UGT1A10: variants seen among roughly 807,000 people sequenced by gnomAD.
UGT1A10 encodes the protein UDP-glucuronosyltransferase 1A10.
Under a neutral mutation model 45.8 loss-of-function variants are expected in UGT1A10, and 49 were observed. That is an observed-to-expected ratio of 1.07 (90% CI 0.85 to 1.36). The LOEUF (loss-of-function observed/expected upper bound fraction) is 1.36. Ranked by LOEUF, UGT1A10 falls within the 40% of genes most tolerant of loss-of-function variation. UGT1A10 has a pLI of 0.00. For missense variants in UGT1A10, 745 were observed against 668.6 expected (o/e 1.11, Z -1.26); for synonymous variants, 284 against 249.7 (o/e 1.14, Z -1.29).
chr2:233,695,908 T>C (rs2075313628), intron 1 of UGT1A10, among the ~76,000 whole-genome samples: 1 of 152,182 alleles, frequency 6.6e-6, no homozygotes, highest in Admixed American at 6.5e-5. Flanking sequence ...TGGGGTTTTT[T>C]TTCTCCACAC....
intron 1 of UGT1A10, among the ~76,000 whole-genome samples, chr2:233,736,594 G>A (rs1196858563): frequency 2.0e-5 from 3 of 152,156 alleles, no homozygotes; most frequent in African/African-American, 7.2e-5. Flanking sequence ...ATGTGCTTAT[G>A]CGCTATGGTT....
chr2:233,658,647 T>C (rs2073904177), intron 1 of UGT1A10, among the ~76,000 whole-genome samples: 1 of 152,186 alleles, frequency 6.6e-6, no homozygotes, highest in Non-Finnish European at 1.5e-5. Context: ...TAGACTGGGG[T>C]TATAGGTTTT....
At chr2:233,687,364 C>T (rs2074836393) in intron 1 of UGT1A10, among the ~76,000 whole-genome samples, 1 of 152,128 alleles carries the variant, frequency 6.6e-6, no homozygotes, top group South Asian at 2.1e-4. Context: ...TGGACTGTCT[C>T]CTTAGGGAGA....
chr2:233,689,713 G>A (rs1559343774), intron 1 of UGT1A10, among the ~76,000 whole-genome samples: 1 of 152,132 alleles, frequency 6.6e-6, no homozygotes, highest in African/African-American at 2.4e-5. Flanking sequence ...CCTTATCTGA[G>A]GTCTGCCTGC....
rs1351449388 is a variant in UGT1A10, at chr2:233,636,488, G to C, written c.-35G>C. 1 of 1,593,086 alleles carries C rather than the reference G, an allele frequency of 6.3e-7. No homozygotes were observed. Among genetic ancestry groups the C allele is most frequent in the East Asian group, 2.2e-5 (1 of 44,714 alleles). ...CCGCCTACTGTATCATAGCAGCTTA[G>C]AATCCCAGCTGCTGGCTCGGGCTGC... is the stretch of plus-strand genomic sequence containing the variant. On this transcript the variant is annotated 5_prime_UTR_variant, in exon 1 of 5. Transcript: ENST00000344644.
In UGT1A10 at chr2:233,716,181, C is replaced by G. The variant is rs375271371; in HGVS notation, c.856-50853C>G. Among the ~76,000 whole-genome samples the G allele has an allele frequency of 1.4e-4, 21 of 152,300 alleles. No homozygotes were observed. In the East Asian group the frequency reaches 3.9e-3, roughly 28 times the overall value. On this transcript the variant is annotated intron_variant, in intron 1 of 4. Transcript: ENST00000344644. Reference sequence around the variant, plus strand: ...GAGATGCAGTGCAGCATCTTCAAGTCTCTAATTCTTACATCTGTCTCTTTC... The same window carrying G: ...GAGATGCAGTGCAGCATCTTCAAGTGTCTAATTCTTACATCTGTCTCTTTC...
chr2:233,703,218 C>G (rs1053739567), intron 1 of UGT1A10, among the ~76,000 whole-genome samples: 7 of 152,130 alleles, frequency 4.6e-5, no homozygotes, highest in Non-Finnish European at 1.0e-4. Context: ...TCTAAGTTAT[C>G]TAATTCCTTG....
chr2:233,745,864 C>G (rs1478966611), intron 1 of UGT1A10, among the ~76,000 whole-genome samples: 1 of 151,232 alleles, frequency 6.6e-6, no homozygotes, highest in Non-Finnish European at 1.5e-5. Flanking sequence ...AGCTGCTGAC[C>G]AAGGTTCCAG....
intron 1 of UGT1A10, among the ~76,000 whole-genome samples, chr2:233,734,157 A>G (rs2078492221): frequency 6.6e-6 from 1 of 152,100 alleles, no homozygotes; most frequent in Non-Finnish European, 1.5e-5. Context: ...CTGGTCCTGG[A>G]CTTTTTTTGG....
intron 1 of UGT1A10, chr2:233,648,403 C>G (rs1391684988): frequency 4.2e-6 from 1 of 239,480 alleles, no homozygotes; most frequent in Non-Finnish European, 8.6e-6. Context: ...TTCCTACAGT[C>G]CTAGATATGT....
chr2:233,677,177 C>A (rs1226149365), intron 1 of UGT1A10, among the ~76,000 whole-genome samples: 3 of 152,138 alleles, frequency 2.0e-5, no homozygotes, highest in Admixed American at 2.0e-4. Context: ...AATTCATTAA[C>A]ATATCTTTTT....
chr2:233,757,899 T>C (rs1696747026), intron 1 of UGT1A10, among the ~76,000 whole-genome samples: 1 of 152,126 alleles, frequency 6.6e-6, no homozygotes, highest in African/African-American at 2.4e-5. Context: ...ACACTTTCCA[T>C]GGACGTGTCA....
chr2:233,651,436 T>C (rs1172213162), intron 1 of UGT1A10, among the ~76,000 whole-genome samples: 5 of 152,188 alleles, frequency 3.3e-5, no homozygotes, highest in Non-Finnish European at 1.5e-5. Flanking sequence ...AAAATACATG[T>C]TTTTTTGTAT....
chr2:233,769,857 C>CA lies in UGT1A10; in HGVS notation c.1295+1435dup, dbSNP rs879204025. On this transcript the variant is annotated intron_variant, in intron 4 of 4. Coordinates refer to ENST00000344644, the MANE Select transcript of UGT1A10 (RefSeq NM_019075.4). This position sits in a 1 kb window ranked among gnomAD's most constrained non-coding sequence, Gnocchi z 4.4. ...TGGGCAACAGAGTGAGACCCTGTCT[C>CA]AAAAAAAAAAAAAAAAATGAAAAGT... The CA allele has an allele frequency of 0.16, 34,791 of 223,900 alleles. 2,719 individuals are homozygous for CA. Among genetic ancestry groups the CA allele is most frequent in the African/African-American group, 0.37 (13,208 of 35,902 alleles). 13.9% of individuals were successfully genotyped at this position (223,900 alleles called of 1,614,324 possible).
At chr2:233,719,251 C>A in intron 1 of UGT1A10, 1 of 1,614,174 alleles carries the variant, frequency 6.2e-7, no homozygotes, top group Non-Finnish European at 8.5e-7. Flanking sequence ...CTGAATGCTA[C>A]TTCCTTTGAT....
At chr2:233,667,062 G>T (rs1311333450) in intron 1 of UGT1A10, among the ~76,000 whole-genome samples, 2 of 152,102 alleles carry the variant, frequency 1.3e-5, no homozygotes, top group Non-Finnish European at 2.9e-5. Context: ...TTGGACATTT[G>T]GGTTGGTTCC....
chr2:233,745,020 A>G (rs1324116484), intron 1 of UGT1A10, among the ~76,000 whole-genome samples: 3 of 151,866 alleles, frequency 2.0e-5, no homozygotes, highest in Admixed American at 2.0e-4. Flanking sequence ...TGTAAATGCT[A>G]TGTAAATAGT....
At chr2:233,767,265 T>G in intron 2 of UGT1A10, 100 bp downstream of exon 2, 2 of 1,588,600 alleles carry the variant, frequency 1.3e-6, no homozygotes. Flanking sequence ...GAACCTTAGA[T>G]TTGGCTTTTC....
At chr2:233,743,936 C>A in intron 1 of UGT1A10, 1 of 1,355,864 alleles carries the variant, frequency 7.4e-7, no homozygotes, top group Non-Finnish European at 9.9e-7. Flanking sequence ...CCAGAACGGC[C>A]CACCAGGCAC....
Sources: gnomAD v4.1 joint callset for allele counts (sites outside exome capture counted in the v4.1 genomes callset) on GRCh38, gnomAD v4.1.1 for gene constraint, Gnocchi (gnomAD v3.1) non-coding constraint, MANE v1.5 for transcripts, NCBI Gene and HGNC (gene_info 2026-07-23, HGNC 2026-07-21) for gene names.